NCALD: variants seen among roughly 807,000 people sequenced by gnomAD.
NCALD encodes the protein neurocalcin-delta.
A neutral mutation model predicts 18.6 loss-of-function variants in NCALD; 10 were observed. The observed-to-expected ratio is 0.54, with a 90% CI of 0.33 to 0.91. The LOEUF (loss-of-function observed/expected upper bound fraction) is 0.91. NCALD is among the 40% of genes least tolerant of loss of function. The pLI is 0.03. For missense variants in NCALD, 184 were observed against 247.6 expected (o/e 0.74, Z 1.72); for synonymous variants, 88 against 87.4 (o/e 1.01, Z -0.04).
rs561983767 is a variant in NCALD, at chr8:101,890,523, G to C, written c.-106-3296C>G. ...GCCTTGGGGGTGGTGATTAAGTCATGAGGGCTCCACCCTCACAACTGGGAT... is the reference window on the plus strand; with the variant it reads ...GCCTTGGGGGTGGTGATTAAGTCATCAGGGCTCCACCCTCACAACTGGGAT... On this transcript the variant is annotated intron_variant, in intron 3 of 6. Transcript: ENST00000311028. 2.0e-5 allele frequency among the ~76,000 whole-genome samples: 3 copies of C among 152,232 alleles called. No homozygotes were observed. The South Asian group carries it at 6.2e-4, about 32-fold the overall frequency.
intron 2 of NCALD, among the ~76,000 whole-genome samples, chr8:101,972,269 GC>G (rs1398218320): frequency 2.6e-5 from 4 of 152,164 alleles, no homozygotes; most frequent in Non-Finnish European, 5.9e-5. Context: ...TAGAGCCCAA[GC>G]TTTGTGGTCA....
chr8:101,828,238 C>A (rs1385162533), intron 4 of NCALD, among the ~76,000 whole-genome samples: 2 of 152,126 alleles, frequency 1.3e-5, no homozygotes, highest in Non-Finnish European at 2.9e-5. Context: ...TGGAAGGAAC[C>A]CTCCAGGGAC....
intron 2 of NCALD, among the ~76,000 whole-genome samples, chr8:102,019,162 G>T (rs1822188693): frequency 6.6e-6 from 1 of 151,740 alleles, no homozygotes; most frequent in Admixed American, 6.6e-5. Context: ...TATATGAAAT[G>T]GTGCCCCACC....
chr8:101,699,665 A>G (rs1483327732), intron 2 of NCALD, among the ~76,000 whole-genome samples: 2 of 152,212 alleles, frequency 1.3e-5, no homozygotes, highest in Non-Finnish European at 2.9e-5. Context: ...ACAGGAACAG[A>G]AAACCAAACA....
chr8:101,759,987 C>CA (rs1265842599), intron 1 of NCALD, among the ~76,000 whole-genome samples: 1 of 152,138 alleles, frequency 6.6e-6, no homozygotes, highest in African/African-American at 2.4e-5. Context: ...CCCAAGGCCA[C>CA]ACCAGACCCC....
chr8:101,990,432 A>G (rs569347864), intron 2 of NCALD, among the ~76,000 whole-genome samples: 148 of 152,280 alleles, frequency 9.7e-4, no homozygotes, highest in African/African-American at 3.5e-3. Flanking sequence ...AGCCACTGAT[A>G]TGGTTTGGCC....
chr8:101,807,006 T>G (rs916291446), intron 4 of NCALD, among the ~76,000 whole-genome samples: 13 of 152,050 alleles, frequency 8.5e-5, no homozygotes, highest in Non-Finnish European at 1.2e-4. Flanking sequence ...GGATTACATA[T>G]TTAAAGTGCT....
Position 101,872,008 on chromosome 8 carries a change from G to C in NCALD, c.-20+15133C>G, listed in dbSNP as rs1347021001. On this transcript the variant is annotated intron_variant, in intron 4 of 6. Coordinates refer to the NCALD transcript ENST00000311028. ...CAGGTTCATGCCGCCAAACACCAGA[G>C]GACCGATCAACTGAGCCTTGATGTC... 5 of 953,456 alleles carry C rather than the reference G, an allele frequency of 5.2e-6. No individual in the cohort carries two copies. The Admixed American group carries it at 6.8e-5, about 13-fold the overall frequency. 59.1% of individuals were successfully genotyped at this position (953,456 alleles called of 1,614,324 possible). A position where few individuals can be genotyped will look rare whatever the true frequency, so the allele number is the denominator to read the frequency against.
intron 4 of NCALD, among the ~76,000 whole-genome samples, chr8:101,812,696 GA>G (rs1563793301): frequency 2.6e-5 from 4 of 152,120 alleles, no homozygotes; most frequent in Admixed American, 1.3e-4. Context: ...AGTAACAATG[GA>G]ACCTTCTAAA....
chr8:101,811,756 C>T (rs1435278673), intron 4 of NCALD, among the ~76,000 whole-genome samples: 2 of 152,160 alleles, frequency 1.3e-5, no homozygotes, highest in African/African-American at 4.8e-5. Context: ...GAAAAACCTA[C>T]TGCAGGGTCT....
At chr8:101,886,295 C>T (rs1417303514) in intron 4 of NCALD, among the ~76,000 whole-genome samples, 1 of 152,188 alleles carries the variant, frequency 6.6e-6, no homozygotes, top group Non-Finnish European at 1.5e-5. Context: ...GCTAAGTCTA[C>T]TCAAGTTTCA....
At chr8:101,786,933 A>C (rs1040446821) in intron 1 of NCALD, among the ~76,000 whole-genome samples, 2 of 151,784 alleles carry the variant, frequency 1.3e-5, no homozygotes, top group Non-Finnish European at 2.9e-5. Context: ...CATGCAAAAA[A>C]CCCCCTAAAG....
At chr8:102,088,721 CA>C (rs761160722) in intron 1 of NCALD, among the ~76,000 whole-genome samples, 2 of 146,856 alleles carry the variant, frequency 1.4e-5, no homozygotes, top group Non-Finnish European at 3.0e-5. Flanking sequence ...AAAACAAAAA[CA>C]AAAAACCTCT....
chr8:101,997,163 A>G (rs1821269131), intron 2 of NCALD, among the ~76,000 whole-genome samples: 2 of 152,230 alleles, frequency 1.3e-5, no homozygotes, highest in South Asian at 4.1e-4. Flanking sequence ...AAGACTCTCA[A>G]ACTTTATTTA....
intron 1 of NCALD, among the ~76,000 whole-genome samples, chr8:102,121,036 C>G (rs1825930099): frequency 6.6e-6 from 1 of 152,182 alleles, no homozygotes; most frequent in South Asian, 2.1e-4. Context: ...TTGCTGAGCC[C>G]AGACCCAGCC....
chr8:102,123,397 C>G (rs960346667), intron 1 of NCALD, among the ~76,000 whole-genome samples: 1 of 150,414 alleles, frequency 6.6e-6, no homozygotes, highest in African/African-American at 2.5e-5. Flanking sequence ...GGCAGGAGCT[C>G]TGCAGAGCCA....
At chr8:102,032,622 T>TAAAA (rs59283854) in intron 1 of NCALD, among the ~76,000 whole-genome samples, 15,140 of 104,618 alleles carry the variant, frequency 0.14, 1,229 homozygotes, top group South Asian at 0.25. Context: ...GAAAAACTGC[T>TAAAA]AAAAAAAAAA....
chr8:101,868,905 A>G (rs1205814557), intron 4 of NCALD, among the ~76,000 whole-genome samples: 2 of 152,178 alleles, frequency 1.3e-5, no homozygotes, highest in Non-Finnish European at 2.9e-5. Flanking sequence ...TTTGCTGTGT[A>G]TTTTGTCTAA....
intron 4 of NCALD, among the ~76,000 whole-genome samples, chr8:101,844,757 C>T (rs1179269468): frequency 6.6e-6 from 1 of 152,120 alleles, no homozygotes; most frequent in Admixed American, 6.5e-5. Context: ...CAGCTAGTGG[C>T]CAGAGAGCGG....
Sources: allele counts gnomAD v4.1 joint callset (sites outside exome capture counted in the v4.1 genomes callset), GRCh38; gene constraint gnomAD v4.1.1; transcripts MANE v1.5; gene names NCBI Gene and HGNC (gene_info 2026-07-23, HGNC 2026-07-21).